The following CNTNAP2 variants were observed in gnomAD, a reference collection of about 807,000 sequenced individuals.
The protein encoded by CNTNAP2 is contactin-associated protein-like 2.
Under a neutral mutation model 155.2 loss-of-function variants are expected in CNTNAP2, and 98 were observed. The observed-to-expected ratio is 0.63, with a 90% CI of 0.54 to 0.75. The LOEUF is 0.75. Among genes scored for constraint, CNTNAP2 ranks in the 30% least tolerant of loss-of-function variants. The pLI is 0.00. For synonymous variants in CNTNAP2, 651 were observed against 631.2 expected (o/e 1.03, Z -0.47); for missense variants, 1,727 against 1,688.1 (o/e 1.02, Z -0.40).
intron 13 of CNTNAP2, among the ~76,000 whole-genome samples, chr7:147,679,410 A>C (rs537887611): frequency 6.6e-6 from 1 of 152,084 alleles, no homozygotes; most frequent in Admixed American, 6.6e-5. Flanking sequence ...AATCATTAAC[A>C]AGGATTAAGA....
At chr7:147,874,217 G>A (rs1425830533) in intron 13 of CNTNAP2, among the ~76,000 whole-genome samples, 1 of 152,220 alleles carries the variant, frequency 6.6e-6, no homozygotes, top group Non-Finnish European at 1.5e-5. Flanking sequence ...CAGTGCCCCA[G>A]TGGGAACTCT....
At chr7:146,533,981 T>C (rs538843164) in intron 1 of CNTNAP2, among the ~76,000 whole-genome samples, 38 of 152,298 alleles carry the variant, frequency 2.5e-4, no homozygotes, top group South Asian at 2.5e-3. Context: ...ATAGTCTATG[T>C]AAAATTCCAA....
chr7:146,751,326 G>A (rs528368079), intron 1 of CNTNAP2, among the ~76,000 whole-genome samples: 3 of 152,178 alleles, frequency 2.0e-5, no homozygotes, highest in South Asian at 4.1e-4. Context: ...CGTGAGAATA[G>A]CATATAATTA....
chr7:147,084,400 A>G (rs1438110056), intron 4 of CNTNAP2, among the ~76,000 whole-genome samples: 2 of 117,176 alleles, frequency 1.7e-5, no homozygotes, highest in East Asian at 2.4e-4. Flanking sequence ...CTATATATGT[A>G]TATATAATAC....
chr7:148,270,860 G>T (rs1796764883), intron 21 of CNTNAP2, among the ~76,000 whole-genome samples: 1 of 152,182 alleles, frequency 6.6e-6, no homozygotes, highest in Non-Finnish European at 1.5e-5. Flanking sequence ...TTTCTTAGTT[G>T]AACCTCTCAG....
intron 20 of CNTNAP2, 117 bp downstream of exon 20, chr7:148,229,896 A>G (rs1284568774): frequency 3.5e-6 from 4 of 1,143,120 alleles, no homozygotes; most frequent in Non-Finnish European, 5.1e-6. Context: ...TGCTTTTTAC[A>G]CTTTCTCCTA....
chr7:147,802,015 C>G (rs1218877458), intron 13 of CNTNAP2, among the ~76,000 whole-genome samples: 1 of 151,652 alleles, frequency 6.6e-6, no homozygotes. Flanking sequence ...CCTCACTTCC[C>G]GGACAGGGTG....
intron 15 of CNTNAP2, among the ~76,000 whole-genome samples, chr7:147,988,497 C>A (rs940724362): frequency 2.6e-5 from 4 of 152,032 alleles, no homozygotes; most frequent in Admixed American, 1.3e-4. Flanking sequence ...GAAAATAAGT[C>A]ACAATATATA....
At chr7:147,800,872 T>C (rs1212801020) in intron 13 of CNTNAP2, among the ~76,000 whole-genome samples, 1 of 152,226 alleles carries the variant, frequency 6.6e-6, no homozygotes, top group Non-Finnish European at 1.5e-5. Context: ...GTGTCACATT[T>C]GCCTGCAGTA....
intron 10 of CNTNAP2, among the ~76,000 whole-genome samples, chr7:147,402,242 A>T (rs192335541): frequency 6.6e-6 from 1 of 152,264 alleles, no homozygotes; most frequent in Admixed American, 6.5e-5. Flanking sequence ...GGCTTGGGTC[A>T]GAGTCAGCTT....
At chr7:146,205,482 C>T (rs537383952) in intron 1 of CNTNAP2, among the ~76,000 whole-genome samples, 47 of 151,734 alleles carry the variant, frequency 3.1e-4, no homozygotes, top group South Asian at 1.2e-3. Context: ...ATTAATAGTG[C>T]CCCATTACTT....
intron 18 of CNTNAP2, chr7:148,190,843 T>C (rs1795192164): frequency 7.5e-6 from 1 of 134,114 alleles, no homozygotes; most frequent in African/African-American, 2.9e-5. Flanking sequence ...GTCCCAGCCC[T>C]AGGGGAAAGA....
chr7:147,573,801 C>G (rs1237471615), intron 12 of CNTNAP2, among the ~76,000 whole-genome samples: 1 of 152,092 alleles, frequency 6.6e-6, no homozygotes, highest in Non-Finnish European at 1.5e-5. Flanking sequence ...CTTCATCCCC[C>G]CTATATTGGA....
intron 1 of CNTNAP2, among the ~76,000 whole-genome samples, chr7:146,632,623 C>A (rs951622360): frequency 1.3e-5 from 2 of 151,904 alleles, no homozygotes; most frequent in South Asian, 2.1e-4. Flanking sequence ...AAGTTCTTAA[C>A]CATAACGTAG....
chr7:147,317,289 TC>T (rs1795248991), intron 9 of CNTNAP2, among the ~76,000 whole-genome samples: 1 of 152,210 alleles, frequency 6.6e-6, no homozygotes, highest in Non-Finnish European at 1.5e-5. Context: ...CTTGCCAATT[TC>T]CCCTACCCTT....
At chr7:147,545,851 GA>G (rs1199556152) in intron 11 of CNTNAP2, among the ~76,000 whole-genome samples, 1 of 152,184 alleles carries the variant, frequency 6.6e-6, no homozygotes, top group Non-Finnish European at 1.5e-5. Context: ...GACCCAGTGG[GA>G]AATAATTGAA....
chr7:147,965,896 C>T (rs771161212), intron 14 of CNTNAP2, among the ~76,000 whole-genome samples: 75 of 152,184 alleles, frequency 4.9e-4, no homozygotes, highest in Non-Finnish European at 9.3e-4. Flanking sequence ...CTTTTTCAAA[C>T]GTCTACGTCC....
chr7:146,634,012 C>T (rs188696444), intron 1 of CNTNAP2, among the ~76,000 whole-genome samples: 1 of 152,034 alleles, frequency 6.6e-6, no homozygotes, highest in Non-Finnish European at 1.5e-5. Context: ...ATGGGCCAAT[C>T]TATGAGCCCT....
At chr7:146,544,828 G>A (rs535633962) in intron 1 of CNTNAP2, among the ~76,000 whole-genome samples, 2 of 151,874 alleles carry the variant, frequency 1.3e-5, no homozygotes, top group South Asian at 2.1e-4. Context: ...TCTCAGAGAC[G>A]GATAAGTCAC....
Sources: gnomAD v4.1 joint callset for allele counts (sites outside exome capture counted in the v4.1 genomes callset) on GRCh38, gnomAD v4.1.1 for gene constraint, MANE v1.5 for transcripts, NCBI Gene and HGNC (gene_info 2026-07-23, HGNC 2026-07-21) for gene names.